CHD5: variants seen among roughly 807,000 people sequenced by gnomAD.
CHD5 encodes the protein chromodomain helicase DNA binding protein 5, also known as ATP-dependent chromatin remodeler CHD5.
In CHD5, 69 loss-of-function variants were observed where a neutral mutation model predicts 230.3. That is an observed-to-expected ratio of 0.30 (90% CI 0.25 to 0.37). The LOEUF (loss-of-function observed/expected upper bound fraction) is 0.37. Ranked by LOEUF, CHD5 falls within the 10% of genes least tolerant of loss-of-function variation. CHD5 has a pLI of 1.00. For synonymous variants in CHD5, 1,064 were observed against 1,065.9 expected (o/e 1.00, Z 0.03); for missense variants, 1,827 against 2,622.8 (o/e 0.70, Z 6.63).
rs1038629591 is a variant in CHD5 at position 6,155,808 on chromosome 1, CAG to C, written c.388-93_388-92del. 4 of 965,858 alleles carry C rather than the reference CAG, an allele frequency of 4.1e-6. No individual in the cohort carries two copies. In the African/African-American group the frequency reaches 4.9e-5, roughly 12 times the overall value. 59.8% of individuals were successfully genotyped at this position (965,858 alleles called of 1,614,324 possible). ...GGTCTCTGCCTAGGAGGCTTTGGCA[CAG>C]GGGAAAGAGGAGGGGTTGTGTCTGC... is the stretch of plus-strand genomic sequence containing the variant. On this transcript the variant is annotated intron_variant, in intron 3 of 41. Transcript: ENST00000262450. This position sits in a 1 kb window ranked among gnomAD's most constrained non-coding sequence, Gnocchi z 4.0.
chr1:6,134,701 T>G lies in CHD5; in HGVS notation c.3012+17A>C. ...GGCGGTCATGGAGAAGCTGCCATGATGGCCGGGGAAACCTACCACGGCAGC... is the reference window on the plus strand; with the variant it reads ...GGCGGTCATGGAGAAGCTGCCATGAGGGCCGGGGAAACCTACCACGGCAGC... On this transcript the variant is annotated intron_variant, in intron 19 of 41. Transcript: ENST00000262450. The surrounding 1 kb of genome is among the most constrained non-coding windows in gnomAD (Gnocchi z 6.3). The G allele has an allele frequency of 6.2e-7, 1 of 1,613,746 alleles. No homozygotes were observed. Among genetic ancestry groups the G allele is most frequent in the Non-Finnish European group, 8.5e-7 (1 of 1,179,756 alleles).
chr1:6,180,012 T>A lies in CHD5; in HGVS notation c.12A>T (p.Pro4=), dbSNP rs747290356. Residue 4 remains proline, a synonymous_variant, in exon 1 of 42, where the codon CCA becomes CCT. Coordinates refer to ENST00000262450, the MANE Select transcript of CHD5 (RefSeq NM_015557.3). The part of the protein sequence containing the change: MRG[P]VGTEEELPRL... ...GCGGCAGCTCCTCCTCGGTGCCCAC[T>A]GGGCCCCGCATGCCCGGCGCGGGGA... 1 of 1,366,510 alleles carries A rather than the reference T, an allele frequency of 7.3e-7. No homozygotes were observed. Among genetic ancestry groups the A allele is most frequent in the South Asian group, 1.4e-5 (1 of 72,372 alleles). The allele number at this position is 1,366,510 out of a possible 1,614,324, so 84.6% of individuals were successfully genotyped here.
At position 6,121,384 on chromosome 1, in the gene CHD5, G is replaced by A; in HGVS notation, c.4779+110C>T. The A allele has an allele frequency of 2.0e-6, 3 of 1,495,644 alleles. No homozygotes were observed. Among genetic ancestry groups the A allele is most frequent in the Non-Finnish European group, 2.8e-6 (3 of 1,087,712 alleles). 92.6% of individuals were successfully genotyped at this position (1,495,644 alleles called of 1,614,324 possible). On this transcript the variant is annotated intron_variant, in intron 32 of 41. Transcript: ENST00000262450. The surrounding 1 kb of genome is among the most constrained non-coding windows in gnomAD (Gnocchi z 4.5). ...CCCCGCCGATTCAGAGCCCCGAAAA[G>A]GGAGCCAGGAGGCCTGGGTTCCACC...
chr1:6,142,632 C>A lies in CHD5; in HGVS notation c.2044-27G>T, dbSNP rs768398525. ...TGCAGGGGAGGCAGCGGTTCAGACA[C>A]GCCCCAGATCCTGGGCCACCAGAGT... On this transcript the variant is annotated intron_variant, in intron 13 of 41. Coordinates refer to ENST00000262450, the MANE Select transcript of CHD5 (RefSeq NM_015557.3). This position sits in a 1 kb window ranked among gnomAD's most constrained non-coding sequence, Gnocchi z 5.2. The A allele has an allele frequency of 1.3e-6, 2 of 1,589,482 alleles. No individual in the cohort carries two copies. The highest frequency in any genetic ancestry group is 1.7e-6 in the Non-Finnish European group (2 of 1,167,360).
At chr1:6,135,118 C>A in intron 18 of CHD5, 112 bp downstream of exon 18, 3 of 1,275,010 alleles carry the variant, frequency 2.4e-6, no homozygotes, top group South Asian at 1.2e-5. Context: ...AAAGCATTAG[C>A]CGAGACCTCA....
rs193113864 is a variant in CHD5 at position 6,167,093 on chromosome 1, G to A, written c.207+1057C>T. Among the ~76,000 whole-genome samples, 1 of 152,156 alleles carries A rather than the reference G, an allele frequency of 6.6e-6. No homozygotes were observed. Among genetic ancestry groups the A allele is most frequent in the Admixed American group, 6.5e-5 (1 of 15,284 alleles). ...TAGCACCTCACCTCACCACCACTGC[G>A]CCTCACCAGCTACCTCCCTGGGCCT... On this transcript the variant is annotated intron_variant, in intron 2 of 41. Coordinates refer to ENST00000262450, the MANE Select transcript of CHD5 (RefSeq NM_015557.3). The surrounding 1 kb of genome is among the most constrained non-coding windows in gnomAD (Gnocchi z 4.5).
rs747944416 is a variant in CHD5 at position 6,125,090 on chromosome 1, G to A, written c.4394+10C>T. 9 of 1,573,980 alleles carry A rather than the reference G, an allele frequency of 5.7e-6. No individual in the cohort carries two copies. Among genetic ancestry groups the A allele is most frequent in the East Asian group, 4.6e-5 (2 of 43,026 alleles). Reference sequence around the variant, plus strand: ...TGGTCACACCCTGGGCCACCACCTAGCCCCTTTACCTAAACTCCTTCTCGC... The same window carrying A: ...TGGTCACACCCTGGGCCACCACCTAACCCCTTTACCTAAACTCCTTCTCGC... On this transcript the variant is annotated intron_variant, in intron 29 of 41. Transcript: ENST00000262450. The surrounding 1 kb of genome is among the most constrained non-coding windows in gnomAD (Gnocchi z 6.7).
In CHD5 at chr1:6,129,235, C is replaced by T. The variant is rs1666613626; in HGVS notation, c.3388-166G>A. Among the ~76,000 whole-genome samples, 1 of 152,142 alleles carries T rather than the reference C, an allele frequency of 6.6e-6. No individual in the cohort carries two copies. Among genetic ancestry groups the T allele is most frequent in the South Asian group, 2.1e-4 (1 of 4,828 alleles). On this transcript the variant is annotated intron_variant, in intron 22 of 41. Transcript: ENST00000262450. The surrounding 1 kb of genome is among the most constrained non-coding windows in gnomAD (Gnocchi z 6.8). Reference sequence around the variant, plus strand: ...GCCCACCACTGCAGCTGGGCTCCCTCCCTGACTGCGGAGCCTCCCACAAGC... The same window carrying T: ...GCCCACCACTGCAGCTGGGCTCCCTTCCTGACTGCGGAGCCTCCCACAAGC...
At position 6,126,095 on chromosome 1, in the gene CHD5, A is replaced by T. The variant is rs1257066405; in HGVS notation, c.4079-237T>A. 1.3e-5 allele frequency among the ~76,000 whole-genome samples: 2 copies of T among 152,168 alleles called. No individual in the cohort carries two copies. Among genetic ancestry groups the T allele is most frequent in the Non-Finnish European group, 2.9e-5 (2 of 68,020 alleles). ...CATACTGTGTGCAAGGGACGTGCCC[A>T]AGGCCACGTCACGAGCAGTGGTGAA... On this transcript the variant is annotated intron_variant, in intron 26 of 41. Transcript: ENST00000262450. This position sits in a 1 kb window ranked among gnomAD's most constrained non-coding sequence, Gnocchi z 5.7.
rs766645058 is a variant in CHD5 at position 6,142,441 on chromosome 1, G to A, written c.2208C>T (p.Ile736=). Residue 736 remains isoleucine, a synonymous_variant, in exon 14 of 42, where the codon ATC becomes ATT. Coordinates refer to ENST00000262450, the MANE Select transcript of CHD5 (RefSeq NM_015557.3). The surrounding 1 kb of genome is among the most constrained non-coding windows in gnomAD (Gnocchi z 5.2). ...EMGLGKTVQT[I]VFLYSLYKEG... is the part of the protein sequence containing the mutation. The stretch of plus-strand genomic sequence containing the variant: ...CCTTGTAGAGGGAGTAAAGGAACAC[G>A]ATGGTCTGCACCGTCTTGCCCAGAC... 15 of 1,611,852 alleles carry A rather than the reference G, an allele frequency of 9.3e-6. No individual in the cohort carries two copies. The highest frequency in any genetic ancestry group is 8.3e-5 in the Admixed American group (5 of 59,940).
Position 6,134,380 on chromosome 1 carries a change from T to C in CHD5, c.3013-121A>G. On this transcript the variant is annotated intron_variant, in intron 19 of 41. Coordinates refer to ENST00000262450, the MANE Select transcript of CHD5 (RefSeq NM_015557.3). This position sits in a 1 kb window ranked among gnomAD's most constrained non-coding sequence, Gnocchi z 6.3. Reference sequence around the variant, plus strand: ...ATGGGGTGATGGCCTGTCTGCCCACTGAACATGAGACCCACACCCGAGCCA... The same window carrying C: ...ATGGGGTGATGGCCTGTCTGCCCACCGAACATGAGACCCACACCCGAGCCA... 8.1e-7 allele frequency: 1 copy of C among 1,239,032 alleles called. No homozygotes were observed. Among genetic ancestry groups the C allele is most frequent in the Non-Finnish European group, 1.1e-6 (1 of 881,034 alleles). 76.8% of individuals were successfully genotyped at this position (1,239,032 alleles called of 1,614,324 possible).
At chr1:6,120,279 CT>C (rs372915855) in intron 33 of CHD5, among the ~76,000 whole-genome samples, 81 of 152,224 alleles carry the variant, frequency 5.3e-4, no homozygotes, top group African/African-American at 1.9e-3. Flanking sequence ...TTTCAACAAC[CT>C]CATATAGACT....
chr1:6,170,063 CAGAG>C (rs1571173419), intron 1 of CHD5, among the ~76,000 whole-genome samples: 1 of 152,108 alleles, frequency 6.6e-6, no homozygotes, highest in Non-Finnish European at 1.5e-5. Context: ...AGTTTAGAGA[CAGAG>C]AGCCCCTTCC....
At chr1:6,116,545 A>G (rs1300991381) in intron 33 of CHD5, among the ~76,000 whole-genome samples, 2 of 152,246 alleles carry the variant, frequency 1.3e-5, no homozygotes, top group Non-Finnish European at 2.9e-5. Flanking sequence ...GCAGTCTTTC[A>G]ATGTGAGAAA....
At chr1:6,115,716 T>TC (rs1172882308) in intron 33 of CHD5, among the ~76,000 whole-genome samples, 1 of 152,130 alleles carries the variant, frequency 6.6e-6, no homozygotes, top group South Asian at 2.1e-4. Context: ...TGTGGACTTT[T>TC]CCCCAGGGCC....
chr1:6,114,438 G>A (rs954879225), intron 33 of CHD5, among the ~76,000 whole-genome samples: 25 of 151,912 alleles, frequency 1.6e-4, no homozygotes, highest in Middle Eastern at 3.4e-3. Context: ...AAGAAGAACC[G>A]TCTTGGGCCA....
At position 6,109,785 on chromosome 1, in the gene CHD5, A is replaced by G; in HGVS notation, c.5578+10T>C. On this transcript the variant is annotated intron_variant, in intron 38 of 41. Coordinates refer to ENST00000262450, the MANE Select transcript of CHD5 (RefSeq NM_015557.3). ...GGGGGGCTGCACCGTGGGGGGCAGG[A>G]CTTGCTCACCCTTGTGCAGGACGGC... The G allele has an allele frequency of 1.2e-6, 2 of 1,609,782 alleles. No individual in the cohort carries two copies. Among genetic ancestry groups the G allele is most frequent in the Admixed American group, 3.4e-5 (2 of 59,678 alleles).
At chr1:6,179,146 A>G (rs1215430381) in intron 1 of CHD5, among the ~76,000 whole-genome samples, 2 of 152,142 alleles carry the variant, frequency 1.3e-5, no homozygotes, top group Non-Finnish European at 2.9e-5. Context: ...ATTCTGAGAG[A>G]GATAAAAGGA....
chr1:6,176,466 C>T (rs566300120), intron 1 of CHD5, among the ~76,000 whole-genome samples: 1 of 152,340 alleles, frequency 6.6e-6, no homozygotes, highest in African/African-American at 2.4e-5. Flanking sequence ...CCTAAGAGGG[C>T]TGAGAGCCAC....
Sources: gnomAD v4.1 joint callset for allele counts (sites outside exome capture counted in the v4.1 genomes callset) on GRCh38, gnomAD v4.1.1 for gene constraint, Gnocchi (gnomAD v3.1) non-coding constraint, MANE v1.5 for transcripts, NCBI Gene and HGNC (gene_info 2026-07-23, HGNC 2026-07-21) for gene names.